CYP19A1: variants seen among roughly 807,000 people sequenced by gnomAD.
The protein encoded by CYP19A1 is cytochrome P450 family 19 subfamily A member 1.
In CYP19A1, 32 loss-of-function variants were observed where a neutral mutation model predicts 44.4. That is an observed-to-expected ratio of 0.72 (90% CI 0.54 to 0.97). CYP19A1 has a LOEUF of 0.97. Among genes scored for constraint, CYP19A1 ranks in the 50% least tolerant of loss-of-function variants. The pLI is 0.00. For missense variants in CYP19A1, 598 were observed against 637.8 expected, an observed-to-expected ratio of 0.94 and a Z score of 0.67; for synonymous variants, 212 against 215.6, an observed-to-expected ratio of 0.98 and a Z score of 0.14.
At position 51,210,674 on chromosome 15, in the gene CYP19A1, A is replaced by G. The variant is rs746707246; in HGVS notation, c.*134T>C. 2.6e-6 allele frequency: 2 copies of G among 774,940 alleles called. No individual in the cohort carries two copies. Among genetic ancestry groups the G allele is most frequent in the South Asian group, 2.7e-5 (2 of 73,846 alleles). 48.0% of individuals were successfully genotyped at this position (774,940 alleles called of 1,614,324 possible). A position where few individuals can be genotyped will look rare whatever the true frequency, so the allele number is the denominator to read the frequency against. On this transcript the variant is annotated 3_prime_UTR_variant, in exon 10 of 10. Transcript: ENST00000396402. ...ATAGCACCTAGCTTGGTGACAACCC[A>G]TAGGAGGTATGCCTATAAAATGCCA...
intron 1 of CYP19A1, among the ~76,000 whole-genome samples, chr15:51,298,213 A>G (rs1459203828): frequency 2.6e-5 from 4 of 152,218 alleles, no homozygotes; most frequent in African/African-American, 9.7e-5. Flanking sequence ...ACTGATTTGG[A>G]TATGCCACCA....
chr15:51,213,598 G>A (rs556165164), intron 8 of CYP19A1, among the ~76,000 whole-genome samples: 23 of 152,286 alleles, frequency 1.5e-4, no homozygotes, highest in Non-Finnish European at 2.5e-4. Flanking sequence ...AGTAGTTAGC[G>A]AGTCTGTGTG....
chr15:51,300,736 A>G (rs2036095233), intron 1 of CYP19A1, among the ~76,000 whole-genome samples: 1 of 152,130 alleles, frequency 6.6e-6, no homozygotes, highest in Non-Finnish European at 1.5e-5. Context: ...CTTGCCCCCA[A>G]ATTACACCGC....
chr15:51,320,969 C>G (rs975028791), intron 1 of CYP19A1: 1 of 152,302 alleles, frequency 6.6e-6, no homozygotes, highest in Non-Finnish European at 1.5e-5. Flanking sequence ...TTCAGACCAG[C>G]CACACTCCAG....
chr15:51,264,918 A>G (rs1020697622), intron 1 of CYP19A1, among the ~76,000 whole-genome samples: 1 of 152,244 alleles, frequency 6.6e-6, no homozygotes, highest in East Asian at 1.9e-4. Context: ...AGGTTCTTCA[A>G]TGTATGTCAC....
At chr15:51,289,720 T>G (rs2035799450) in intron 1 of CYP19A1, among the ~76,000 whole-genome samples, 1 of 152,220 alleles carries the variant, frequency 6.6e-6, no homozygotes, top group South Asian at 2.1e-4. Flanking sequence ...TATTTGCGTT[T>G]GAAGCCTGTT....
At chr15:51,254,100 C>G (rs1431906567) in intron 1 of CYP19A1, among the ~76,000 whole-genome samples, 1 of 152,082 alleles carries the variant, frequency 6.6e-6, no homozygotes, top group Non-Finnish European at 1.5e-5. Context: ...TAGTCGACCC[C>G]AGTTTCTAAT....
At chr15:51,251,934 T>C (rs1275071929) in intron 1 of CYP19A1, among the ~76,000 whole-genome samples, 1 of 152,154 alleles carries the variant, frequency 6.6e-6, no homozygotes, top group Admixed American at 6.5e-5. Flanking sequence ...ATGAGGGGGT[T>C]GAGCCACAGG....
chr15:51,324,611 T>A (rs2036579277), intron 1 of CYP19A1, among the ~76,000 whole-genome samples: 1 of 152,222 alleles, frequency 6.6e-6, no homozygotes, highest in South Asian at 2.1e-4. Context: ...TAAAACATAA[T>A]TATTAGCCAA....
intron 1 of CYP19A1, among the ~76,000 whole-genome samples, chr15:51,281,753 G>C (rs1029214461): frequency 6.6e-6 from 1 of 152,134 alleles, no homozygotes; most frequent in African/African-American, 2.4e-5. Flanking sequence ...CAAGTGGGAT[G>C]TGGCTAAGGC....
chr15:51,329,485 C>G (rs1173287628), intron 1 of CYP19A1, among the ~76,000 whole-genome samples: 1 of 152,140 alleles, frequency 6.6e-6, no homozygotes, highest in Non-Finnish European at 1.5e-5. Context: ...GTAGTGCCCC[C>G]CAAGAGGTAT....
intron 1 of CYP19A1, among the ~76,000 whole-genome samples, chr15:51,244,722 A>C (rs976718568): frequency 1.3e-5 from 2 of 152,228 alleles, no homozygotes; most frequent in African/African-American, 4.8e-5. Flanking sequence ...AAAAGGATGA[A>C]GATGTCCCAC....
chr15:51,283,579 A>C (rs904079225), intron 1 of CYP19A1, among the ~76,000 whole-genome samples: 3 of 152,236 alleles, frequency 2.0e-5, no homozygotes, highest in African/African-American at 7.2e-5. Context: ...AGTAGGAAAG[A>C]ATATGCCCCA....
intron 7 of CYP19A1, among the ~76,000 whole-genome samples, chr15:51,215,478 C>T (rs978997211): frequency 6.6e-6 from 1 of 152,190 alleles, no homozygotes; most frequent in Non-Finnish European, 1.5e-5. Context: ...TATACTGTTA[C>T]ACAGAAGAGT....
Position 51,215,075 on chromosome 15 carries a change from A to G in CYP19A1, c.1016T>C (p.Val339Ala). ...EEAIIKEIQT[V>A]IGERDIKIDD... ...TTTATTTGATAAATTCTTACCAATA[A>G]CAGTCTGGATTTCCTTTATTATTGC... The change falls in exon 8 of 10, where the codon GTT becomes GCT. Residue 339 changes from valine to alanine, a missense_variant. Coordinates refer to ENST00000396402, the MANE Select transcript of CYP19A1 (RefSeq NM_000103.4). The G allele has an allele frequency of 6.2e-7, 1 of 1,613,458 alleles. No homozygotes were observed. Among genetic ancestry groups the G allele is most frequent in the Non-Finnish European group, 8.5e-7 (1 of 1,179,676 alleles).
chr15:51,264,890 T>C (rs2034861040), intron 1 of CYP19A1, among the ~76,000 whole-genome samples: 1 of 152,220 alleles, frequency 6.6e-6, no homozygotes, highest in South Asian at 2.1e-4. Context: ...TTCCAGGTCA[T>C]GGTTTCTGAC....
chr15:51,261,704 A>G (rs1484509377), intron 1 of CYP19A1, among the ~76,000 whole-genome samples: 3 of 152,226 alleles, frequency 2.0e-5, no homozygotes, highest in Non-Finnish European at 4.4e-5. Context: ...AGAAAGAGTT[A>G]CTTTCGCAGG....
intron 1 of CYP19A1, among the ~76,000 whole-genome samples, chr15:51,317,517 A>G (rs2470150): frequency 0.13 from 19,152 of 152,222 alleles, 1,658 homozygotes; most frequent in East Asian, 0.29. Context: ...GCCCCTGTGC[A>G]AGATGCTGCA....
chr15:51,296,130 G>A (rs537802461), intron 1 of CYP19A1, among the ~76,000 whole-genome samples: 1 of 151,896 alleles, frequency 6.6e-6, no homozygotes, highest in Non-Finnish European at 1.5e-5. Context: ...GCATGAAGGG[G>A]AATAGGCAGG....
Sources: allele counts gnomAD v4.1 joint callset (sites outside exome capture counted in the v4.1 genomes callset), GRCh38; gene constraint gnomAD v4.1.1; transcripts MANE v1.5; gene names NCBI Gene and HGNC (gene_info 2026-07-23, HGNC 2026-07-21).